Variants in CSMD3 observed in about 807,000 individuals in gnomAD.
The protein encoded by CSMD3 is CUB and sushi domain-containing protein 3.
CSMD3 carries 177 observed loss-of-function variants against 435.2 expected under a neutral mutation model. The ratio of observed to expected loss-of-function variants is 0.41; its 90% CI spans 0.36 to 0.46. CSMD3 has a LOEUF of 0.46. Among genes scored for constraint, CSMD3 ranks in the 20% least tolerant of loss-of-function variants. CSMD3 has a pLI of 0.34. For synonymous variants in CSMD3, 1,656 were observed against 1,520.5 expected, an observed-to-expected ratio of 1.09 and a Z score of -2.07; for missense variants, 4,265 against 4,504.6, an observed-to-expected ratio of 0.95 and a Z score of 1.52.
intron 21 of CSMD3, 64 bp from the exon 22 acceptor site, chr8:112,637,069 A>T (rs943321858): frequency 7.8e-7 from 1 of 1,277,210 alleles, no homozygotes; most frequent in African/African-American, 1.5e-5. Flanking sequence ...GATAGTGGTT[A>T]CTTTTAAAGG....
chr8:112,284,938 G>T (rs896478515), intron 58 of CSMD3, among the ~76,000 whole-genome samples: 12 of 151,950 alleles, frequency 7.9e-5, no homozygotes, highest in Middle Eastern at 3.4e-3. Flanking sequence ...AGGTGAAAAT[G>T]ATACCTTAAT....
chr8:112,356,140 C>G (rs1826576661), intron 38 of CSMD3, among the ~76,000 whole-genome samples: 1 of 152,192 alleles, frequency 6.6e-6, no homozygotes, highest in Admixed American at 6.5e-5. Flanking sequence ...TCTCAAGGAA[C>G]TTAGAACTAC....
At chr8:112,749,897 G>A (rs942240364) in intron 13 of CSMD3, among the ~76,000 whole-genome samples, 1 of 151,994 alleles carries the variant, frequency 6.6e-6, no homozygotes, top group African/African-American at 2.4e-5. Flanking sequence ...GAAGACTGCT[G>A]CACAAAGATT....
intron 25 of CSMD3, 76 bp from the exon 26 acceptor site, chr8:112,552,796 G>T: frequency 1.5e-6 from 2 of 1,313,974 alleles, no homozygotes; most frequent in Non-Finnish European, 2.2e-6. Flanking sequence ...TTTCTCATGA[G>T]TAGACAAAAG....
At chr8:113,398,134 T>C (rs2094492902) in intron 1 of CSMD3, among the ~76,000 whole-genome samples, 1 of 152,192 alleles carries the variant, frequency 6.6e-6, no homozygotes, top group Non-Finnish European at 1.5e-5. Flanking sequence ...ATCCCCAAGA[T>C]TGTAAAATGT....
intron 5 of CSMD3, among the ~76,000 whole-genome samples, chr8:113,046,443 G>C (rs539940549): frequency 7.5e-6 from 1 of 134,118 alleles, no homozygotes; most frequent in East Asian, 1.9e-4. Flanking sequence ...AGCCACCCAG[G>C]TGTCTCCCTC....
At chr8:113,102,666 T>C (rs2090364009) in intron 4 of CSMD3, among the ~76,000 whole-genome samples, 1 of 152,084 alleles carries the variant, frequency 6.6e-6, no homozygotes, top group Admixed American at 6.6e-5. Flanking sequence ...TAGTAAGCAG[T>C]AACTACATGA....
At chr8:113,394,735 T>A (rs1028160309) in intron 1 of CSMD3, among the ~76,000 whole-genome samples, 4 of 152,052 alleles carry the variant, frequency 2.6e-5, no homozygotes, top group Non-Finnish European at 4.4e-5. Context: ...CTAGATGACA[T>A]CAACATGTAC....
At chr8:113,068,749 GAC>G (rs1249742715) in intron 5 of CSMD3, among the ~76,000 whole-genome samples, 1 of 151,994 alleles carries the variant, frequency 6.6e-6, no homozygotes, top group African/African-American at 2.4e-5. Context: ...TTTTCTATTT[GAC>G]TGTTGATGTT....
intron 32 of CSMD3, among the ~76,000 whole-genome samples, chr8:112,468,170 T>A (rs527446327): frequency 2.2e-4 from 34 of 152,244 alleles, no homozygotes; most frequent in Non-Finnish European, 4.6e-4. Context: ...AAATTATTTC[T>A]TCTGAATTAT....
chr8:112,287,207 C>T lies in CSMD3; in HGVS notation c.9188G>A (p.Gly3063Asp), dbSNP rs2130636351. The change falls in exon 58 of 71, where the codon GGC becomes GAC. Residue 3063 changes from glycine (G) to aspartate (D), a missense_variant. Gly to Asp is a moderately conservative substitution (Grantham distance 94). Transcript: ENST00000297405. Reference protein sequence around the residue: ...TGTCGDPGTPGHGSRQESNFR... With the variant: ...TGTCGDPGTPDHGSRQESNFR... The stretch of plus-strand genomic sequence containing the variant: ...ATTGCTTTCCTGTCTAGAGCCATGG[C>T]CGGGAGTACCTGGATCGCCACATGT... The T allele has an allele frequency of 2.5e-6, 4 of 1,613,622 alleles. No homozygotes were observed. Among genetic ancestry groups the T allele is most frequent in the Non-Finnish European group, 3.4e-6 (4 of 1,179,788 alleles).
At chr8:112,636,760 G>A (rs2131579805) in intron 22 of CSMD3, 57 bp downstream of exon 22, 1 of 1,353,020 alleles carries the variant, frequency 7.4e-7, no homozygotes, top group South Asian at 1.2e-5. Context: ...GTGTAACCAT[G>A]CAACTCCATG....
rs537868417 is a variant in CSMD3 at position 113,011,658 on chromosome 8, T to A, written c.1030+7409A>T. On this transcript the variant is annotated intron_variant, in intron 6 of 70. Coordinates refer to ENST00000297405, the MANE Select transcript of CSMD3 (RefSeq NM_198123.2). ...AGTATTATTGACTTAGATTTTAAAT[T>A]AAATTAATGAATTTTATAAAATAGG... Among the ~76,000 whole-genome samples, 10 of 151,972 alleles carry A rather than the reference T, an allele frequency of 6.6e-5. No homozygotes were observed. The South Asian group carries it at 1.9e-3, about 28-fold the overall frequency.
At chr8:112,704,267 C>T (rs1249174432) in intron 13 of CSMD3, among the ~76,000 whole-genome samples, 1 of 151,966 alleles carries the variant, frequency 6.6e-6, no homozygotes, top group African/African-American at 2.4e-5. Flanking sequence ...GCATGAACCA[C>T]CAAGCCCAAC....
Position 112,282,456 on chromosome 8 carries a change from A to G in CSMD3, c.9332-1106T>C, listed in dbSNP as rs550024991. Among the ~76,000 whole-genome samples the G allele has an allele frequency of 2.4e-3, 359 of 152,238 alleles. 6 individuals are homozygous for G. Among genetic ancestry groups the G allele is most frequent in the Non-Finnish European group, 3.1e-3 (214 of 68,012 alleles). On this transcript the variant is annotated intron_variant, in intron 58 of 70. Transcript: ENST00000297405. ...TTTTGGCCATGTTTACTTGTTATATATCATGATCCATAGCTTGACGTAATG... is the reference window on the plus strand; with the variant it reads ...TTTTGGCCATGTTTACTTGTTATATGTCATGATCCATAGCTTGACGTAATG...
At chr8:113,090,595 C>T (rs2089969860) in intron 5 of CSMD3, among the ~76,000 whole-genome samples, 1 of 152,078 alleles carries the variant, frequency 6.6e-6, no homozygotes, top group South Asian at 2.1e-4. Flanking sequence ...AAGAGGCAAA[C>T]TGCTTTGGAA....
chr8:112,656,558 AG>A (rs1451298203), intron 17 of CSMD3, among the ~76,000 whole-genome samples: 2 of 152,156 alleles, frequency 1.3e-5, no homozygotes, highest in Non-Finnish European at 2.9e-5. Context: ...ATTATTAAAA[AG>A]TTATGTATTG....
rs1023848656 is a variant in CSMD3, at chr8:113,227,957, A to G, written c.514+50635T>C. 5.9e-5 allele frequency among the ~76,000 whole-genome samples: 9 copies of G among 151,630 alleles called. No individual in the cohort carries two copies. The Admixed American group carries it at 5.9e-4, about 10-fold the overall frequency. ...TGTCTATCAAGATGACTAAAGATCA[A>G]GCCACCTAAGTCAAAATTAGAAGTC... On this transcript the variant is annotated intron_variant, in intron 3 of 70. Transcript: ENST00000297405.
At chr8:113,145,202 G>T (rs776989882) in intron 4 of CSMD3, among the ~76,000 whole-genome samples, 1 of 151,512 alleles carries the variant, frequency 6.6e-6, no homozygotes, top group East Asian at 2.0e-4. Flanking sequence ...AGGATCTGCA[G>T]ACCATGTAGA....
Sources: gnomAD v4.1 joint callset for allele counts (sites outside exome capture counted in the v4.1 genomes callset) on GRCh38, gnomAD v4.1.1 for gene constraint, MANE v1.5 for transcripts, NCBI Gene and HGNC (gene_info 2026-07-23, HGNC 2026-07-21) for gene names.